Variants in CYP46A1 observed in about 807,000 individuals in gnomAD.
CYP46A1 encodes the protein cholesterol 24-hydroxylase.
A neutral mutation model predicts 63.3 loss-of-function variants in CYP46A1; 20 were observed. That is an observed-to-expected ratio of 0.32 (90% CI 0.22 to 0.46). CYP46A1 has a LOEUF of 0.46. CYP46A1 is among the 20% of genes least tolerant of loss of function. CYP46A1 has a pLI of 1.00. For missense variants in CYP46A1, 445 were observed against 670.8 expected (o/e 0.66, Z 3.72); for synonymous variants, 268 against 273.6 (o/e 0.98, Z 0.20).
At chr14:99,685,991 G>A (rs1444463100) in intron 1 of CYP46A1, among the ~76,000 whole-genome samples, 1 of 152,108 alleles carries the variant, frequency 6.6e-6, no homozygotes, top group Non-Finnish European at 1.5e-5. Context: ...TTCCTTTACA[G>A]CATAATGTTA....
chr14:99,691,214 C>T, intron 2 of CYP46A1, 53 bp downstream of exon 2: 1 of 1,564,920 alleles, frequency 6.4e-7, no homozygotes, highest in Non-Finnish European at 8.8e-7. Context: ...CTTGGGGCAG[C>T]TCCCCCAACC....
chr14:99,700,144 G>A, intron 5 of CYP46A1, 43 bp downstream of exon 5: 1 of 1,516,468 alleles, frequency 6.6e-7, no homozygotes, highest in Non-Finnish European at 9.0e-7. Flanking sequence ...CTGGCCAGAG[G>A]CAGTAGGGGC....
At chr14:99,695,483 A>C (rs763869735) in intron 3 of CYP46A1, 1 of 413,048 alleles carries the variant, frequency 2.4e-6, no homozygotes, top group Non-Finnish European at 4.8e-6. Flanking sequence ...AGGTGTGTAC[A>C]CATTTAGGAT....
Position 99,721,255 on chromosome 14 carries a change from G to A in CYP46A1, c.997G>A (p.Asp333Asn). 6 of 1,614,058 alleles carry A rather than the reference G, an allele frequency of 3.7e-6. No homozygotes were observed. Among genetic ancestry groups the A allele is most frequent in the Non-Finnish European group, 5.1e-6 (6 of 1,179,908 alleles). The change falls in exon 11 of 15, where the codon GAT becomes AAT. Residue 333 changes from aspartate to asparagine, a missense_variant. By Grantham distance (23) the Asp-to-Asn change is conservative. This residue lies in a region of CYP46A1 where 95 missense variants were observed against 156.9 expected (regional missense o/e 0.61). Coordinates refer to ENST00000261835, the MANE Select transcript of CYP46A1 (RefSeq NM_006668.2). ...ACCCCACAGGCTGCAGGCCGAGGTGGATGAGGTCATTGGTTCTAAGAGGTA... is the reference window on the plus strand; with the variant it reads ...ACCCCACAGGCTGCAGGCCGAGGTGAATGAGGTCATTGGTTCTAAGAGGTA... ...EIVARLQAEVDEVIGSKRYLD... is the reference protein window; with the variant it reads ...EIVARLQAEVNEVIGSKRYLD...
intron 3 of CYP46A1, among the ~76,000 whole-genome samples, chr14:99,698,171 T>A (rs1051418342): frequency 2.6e-5 from 4 of 152,108 alleles, no homozygotes; most frequent in Admixed American, 1.3e-4. Flanking sequence ...AGTTGAGTCA[T>A]CCTCTTACTG....
At chr14:99,726,123 T>C in intron 13 of CYP46A1, 67 bp from the exon 14 acceptor site, 3 of 1,423,280 alleles carry the variant, frequency 2.1e-6, no homozygotes, top group Non-Finnish European at 3.0e-6. Context: ...AACTACTGTC[T>C]TCCTTATGTT....
chr14:99,716,164 G>T lies in CYP46A1; in HGVS notation c.872G>T (p.Gly291Val), dbSNP rs750870929. The T allele has an allele frequency of 1.2e-6, 2 of 1,614,242 alleles. No homozygotes were observed. Among genetic ancestry groups the T allele is most frequent in the Non-Finnish European group, 1.7e-6 (2 of 1,180,032 alleles). ...GAAGAGGGAGCCCAGGACGACGAGG[G>T]TCTGCTGGACAACTTCGTCACCTTC... ...KAEEGAQDDE[G>V]LLDNFVTFFI... Residue 291 changes from glycine (G) to valine (V), a missense_variant, in exon 9 of 15, where the codon GGT (glycine) becomes GTT (valine). Around this residue, in one of 4 missense-constraint regions of CYP46A1, gnomAD observed 13 missense variants for 50.5 expected, o/e 0.26. Transcript: ENST00000261835.
intron 1 of CYP46A1, among the ~76,000 whole-genome samples, chr14:99,686,150 G>C (rs1218164102): frequency 6.6e-6 from 1 of 152,142 alleles, no homozygotes; most frequent in African/African-American, 2.4e-5. Flanking sequence ...AGGTTGAATG[G>C]TGGAAATCTC....
chr14:99,691,009 A>G, intron 1 of CYP46A1, 72 bp from the exon 2 acceptor site: 1 of 1,451,224 alleles, frequency 6.9e-7, no homozygotes, highest in Non-Finnish European at 9.7e-7. Flanking sequence ...GCCTAGTAAT[A>G]AGATCTTGTG....
At chr14:99,685,492 T>A (rs986623544) in intron 1 of CYP46A1, among the ~76,000 whole-genome samples, 9 of 151,570 alleles carry the variant, frequency 5.9e-5, no homozygotes, top group African/African-American at 1.9e-4. Context: ...CTGTTGACTG[T>A]CTGTTCACCT....
chr14:99,716,785 G>A (rs1436367323), intron 9 of CYP46A1, among the ~76,000 whole-genome samples: 1 of 152,208 alleles, frequency 6.6e-6, no homozygotes, highest in East Asian at 1.9e-4. Context: ...AGGTTGTTTT[G>A]CTCACCTCTG....
At chr14:99,684,885 C>G (rs1421773612) in intron 1 of CYP46A1, 1 of 386,158 alleles carries the variant, frequency 2.6e-6, no homozygotes, top group Non-Finnish European at 5.2e-6. Flanking sequence ...GATTTAAGCC[C>G]AGGTCAGCCT....
At chr14:99,691,020 G>A (rs929284790) in intron 1 of CYP46A1, 61 bp from the exon 2 acceptor site, 2 of 1,515,940 alleles carry the variant, frequency 1.3e-6, no homozygotes, top group African/African-American at 2.7e-5. Context: ...AGATCTTGTG[G>A]GGAAGGGAGC....
At chr14:99,709,683 A>G (rs1275749065) in intron 7 of CYP46A1, 1 of 152,204 alleles carries the variant, frequency 6.6e-6, no homozygotes, top group Non-Finnish European at 1.5e-5. Flanking sequence ...GGTACAGGAA[A>G]TATAGAGATC....
intron 10 of CYP46A1, 152 bp downstream of exon 10, chr14:99,718,278 C>A (rs1304731122): frequency 4.8e-6 from 3 of 619,068 alleles, no homozygotes; most frequent in South Asian, 2.0e-5. Context: ...TGGAAGCGCT[C>A]TCCCTGCTTT....
At position 99,721,242 on chromosome 14, in the gene CYP46A1, G is replaced by A; in HGVS notation, c.984G>A (p.Leu328=). 1 of 1,613,736 alleles carries A rather than the reference G, an allele frequency of 6.2e-7. No homozygotes were observed. The highest frequency in any genetic ancestry group is 8.5e-7 in the Non-Finnish European group (1 of 1,179,600). ...TTGTCTTTGTCTTACCCCACAGGCT[G>A]CAGGCCGAGGTGGATGAGGTCATTG... ...LSRQPEIVAR[L]QAEVDEVIGS... is the part of the protein sequence containing the mutation. The change falls in exon 11 of 15, where the codon CTG becomes CTA. Residue 328 remains leucine, a synonymous_variant. Transcript: ENST00000261835.
chr14:99,698,289 A>T (rs2140118516), intron 3 of CYP46A1, among the ~76,000 whole-genome samples: 1 of 151,770 alleles, frequency 6.6e-6, no homozygotes, highest in Middle Eastern at 3.4e-3. Flanking sequence ...GTACCAGGGG[A>T]CCTGTGGTCC....
chr14:99,715,974 C>T lies in CYP46A1; in HGVS notation c.844+14C>T, dbSNP rs1473116949. On this transcript the variant is annotated intron_variant, in intron 8 of 14. Coordinates refer to ENST00000261835, the MANE Select transcript of CYP46A1 (RefSeq NM_006668.2). ...AGATTCTGAAAGGTGCAAGGGCCCC[C>T]TCTGCGGACTGGGGAGGGCGGGGTG... 1 of 1,563,076 alleles carries T rather than the reference C, an allele frequency of 6.4e-7. No homozygotes were observed. Among genetic ancestry groups the T allele is most frequent in the Non-Finnish European group, 8.7e-7 (1 of 1,149,094 alleles).
intron 7 of CYP46A1, chr14:99,712,932 TGGTTTAAAAAATAACAA>T: frequency 6.6e-6 from 1 of 152,194 alleles, no homozygotes; most frequent in African/African-American, 2.4e-5. Flanking sequence ...AGCATGGTAT[TGGTTTAAAAAATAACAA>T]CAGACATAGA....
Sources: allele counts gnomAD v4.1 joint callset (sites outside exome capture counted in the v4.1 genomes callset), GRCh38; gene constraint gnomAD v4.1.1; regional missense constraint gnomAD v4.1.1; transcripts MANE v1.5; gene names NCBI Gene and HGNC (gene_info 2026-07-23, HGNC 2026-07-21).